The following RALGAPA1 variants were observed in gnomAD, a reference collection of about 807,000 sequenced individuals.
RALGAPA1 encodes Ral GTPase activating protein catalytic subunit alpha 1.
A neutral mutation model predicts 269.6 loss-of-function variants in RALGAPA1; 52 were observed. The ratio of observed to expected loss-of-function variants is 0.19; its 90% CI spans 0.15 to 0.24. The LOEUF (loss-of-function observed/expected upper bound fraction) is 0.24. Among genes scored for constraint, RALGAPA1 ranks in the 10% least tolerant of loss-of-function variants. The probability of loss-of-function intolerance (pLI) is 1.00; values close to 1 mark genes in which losing one functional copy is unlikely to be tolerated. For missense variants in RALGAPA1, 1,917 were observed against 3,013.9 expected, an observed-to-expected ratio of 0.64 and a Z score of 8.52; for synonymous variants, 817 against 1,008.3, an observed-to-expected ratio of 0.81 and a Z score of 3.60.
At chr14:35,637,474 G>C (rs2061736076) in intron 31 of RALGAPA1, among the ~76,000 whole-genome samples, 1 of 151,874 alleles carries the variant, frequency 6.6e-6, no homozygotes, top group Non-Finnish European at 1.5e-5. Flanking sequence ...GGATAATGCA[G>C]AAAAAAGAAT....
At chr14:35,610,757 A>C (rs1383929176) in intron 35 of RALGAPA1, among the ~76,000 whole-genome samples, 1 of 152,226 alleles carries the variant, frequency 6.6e-6, no homozygotes, top group East Asian at 1.9e-4. Flanking sequence ...TAAAAAGGCT[A>C]TTAGAGCTAA....
At chr14:35,736,019 C>T (rs1251839547) in intron 12 of RALGAPA1, among the ~76,000 whole-genome samples, 2 of 152,268 alleles carry the variant, frequency 1.3e-5, no homozygotes, top group Non-Finnish European at 2.9e-5. Context: ...TTACATTTTA[C>T]AGGATCCCTC....
At chr14:35,606,885 A>G (rs1450989816) in intron 35 of RALGAPA1, among the ~76,000 whole-genome samples, 2 of 152,194 alleles carry the variant, frequency 1.3e-5, no homozygotes, top group African/African-American at 2.4e-5. Flanking sequence ...GTTGAATATC[A>G]GCAAGAAAGA....
intron 39 of RALGAPA1, among the ~76,000 whole-genome samples, chr14:35,561,438 C>G (rs1461530873): frequency 1.3e-5 from 2 of 150,608 alleles, no homozygotes; most frequent in African/African-American, 4.9e-5. Flanking sequence ...CAGCAAAATC[C>G]ATGACAAGGG....
At chr14:35,716,757 G>A (rs2068865008) in intron 16 of RALGAPA1, among the ~76,000 whole-genome samples, 1 of 152,052 alleles carries the variant, frequency 6.6e-6, no homozygotes, top group South Asian at 2.1e-4. Context: ...TTTTTGAAGA[G>A]GCTAGACCAG....
At chr14:35,635,717 C>T (rs1436222450) in intron 31 of RALGAPA1, 119 bp from the exon 32 acceptor site, 4 of 813,888 alleles carry the variant, frequency 4.9e-6, no homozygotes, top group Non-Finnish European at 7.0e-6. Context: ...CCCTAAGTTC[C>T]ACTATTAATA....
chr14:35,562,021 T>C (rs971299745), intron 39 of RALGAPA1, among the ~76,000 whole-genome samples: 1 of 152,210 alleles, frequency 6.6e-6, no homozygotes, highest in Non-Finnish European at 1.5e-5. Context: ...TCTTCTCTTC[T>C]TTTGAAGAGA....
intron 39 of RALGAPA1, among the ~76,000 whole-genome samples, chr14:35,562,241 T>C (rs17103397): frequency 0.13 from 19,692 of 152,162 alleles, 1,328 homozygotes; most frequent in African/African-American, 0.14. Context: ...CTCATCAGCG[T>C]CTAGACTCCC....
rs2077555916 is a variant in RALGAPA1 at position 35,808,806 on chromosome 14, C to T, written c.30G>A (p.Val10=). ...CTAGCACCTTCTGGGTGGACTTCTT[C>T]ACGTCCCCGTGCGGCTTCTTGGAGA... The part of the protein sequence containing the change: MFSKKPHGD[V]KKSTQKVLDT... Residue 10 remains valine (V), a synonymous_variant, in exon 1 of 42, where the codon GTG becomes GTA. Transcript: ENST00000680220. 2.5e-6 allele frequency: 4 copies of T among 1,612,246 alleles called. No homozygotes were observed. The highest frequency in any genetic ancestry group is 1.7e-5 in the Admixed American group (1 of 59,858).
chr14:35,685,742 A>C (rs564558075), intron 19 of RALGAPA1, among the ~76,000 whole-genome samples: 26 of 152,228 alleles, frequency 1.7e-4, no homozygotes, highest in African/African-American at 4.8e-4. Flanking sequence ...TGTCTCTACT[A>C]AAAATAGAAC....
chr14:35,553,348 G>T (rs1425968064), intron 39 of RALGAPA1, among the ~76,000 whole-genome samples: 2 of 152,152 alleles, frequency 1.3e-5, no homozygotes, highest in African/African-American at 4.8e-5. Context: ...TCTGATGCAA[G>T]GAAACTGATT....
At position 35,664,692 on chromosome 14, in the gene RALGAPA1, G is replaced by C; in HGVS notation, c.5278C>G (p.Leu1760Val). The C allele has an allele frequency of 6.2e-7, 1 of 1,612,706 alleles. No individual in the cohort carries two copies. The highest frequency in any genetic ancestry group is 1.1e-5 in the South Asian group (1 of 90,816). ...FPNLYCELPS[L>V]HPNIPDVAVS... ...GCAACATCAGGAATGTTGGGATGAAGAGAAGGCAGTTCACAATATAAGTTG... is the reference window on the plus strand; with the variant it reads ...GCAACATCAGGAATGTTGGGATGAACAGAAGGCAGTTCACAATATAAGTTG... The change falls in exon 27 of 42, where the codon CTT becomes GTT. Residue 1760 changes from leucine (L) to valine (V), a missense_variant. Transcript: ENST00000680220.
intron 39 of RALGAPA1, among the ~76,000 whole-genome samples, chr14:35,568,234 G>C (rs199809661): frequency 1.3e-5 from 2 of 152,174 alleles, no homozygotes; most frequent in East Asian, 3.9e-4. Context: ...TTTGAGCTCT[G>C]ACATGACACT....
rs1309946803 is a variant in RALGAPA1, at chr14:35,725,136, A to G, written c.1754T>C (p.Val585Ala). 1.3e-6 allele frequency: 2 copies of G among 1,579,428 alleles called. No individual in the cohort carries two copies. Among genetic ancestry groups the G allele is most frequent in the Non-Finnish European group, 1.7e-6 (2 of 1,162,298 alleles). ...TACAGATTCCGTGACTCTGAGCAAC[A>G]CAAGCAGCATCTGTTCCCTTAAAAT... The part of the protein sequence containing the change: ...DKKTWEQMLL[V>A]LLRVTESVLK... The change falls in exon 14 of 42, where the codon GTG (valine) becomes GCG (alanine). Residue 585 changes from valine to alanine, a missense_variant. Val to Ala is a moderately conservative substitution (Grantham distance 64). This residue lies in a region of RALGAPA1 where 462 missense variants were observed against 725.6 expected (regional missense o/e 0.64). Transcript: ENST00000680220.
intron 1 of RALGAPA1, among the ~76,000 whole-genome samples, chr14:35,786,040 C>G (rs911338851): frequency 1.3e-5 from 2 of 152,014 alleles, no homozygotes; most frequent in Non-Finnish European, 2.9e-5. Context: ...ACCTATGGTT[C>G]CAGCTACTCA....
Position 35,749,114 on chromosome 14 carries a change from T to C in RALGAPA1, c.1012-290A>G, listed in dbSNP as rs12883079. Among the ~76,000 whole-genome samples the C allele has an allele frequency of 0.12, 17,614 of 152,132 alleles. 1,111 individuals carry two copies. The highest frequency in any genetic ancestry group is 0.14 in the South Asian group (661 of 4,820). On this transcript the variant is annotated intron_variant, in intron 9 of 41. Coordinates refer to ENST00000680220, the MANE Select transcript of RALGAPA1 (RefSeq NM_001346249.2). ...TCAGTAAGTTTGCAGTTCAAACAAG[T>C]TATTAATCAAAGCTGGGTGGATGAA... is the stretch of plus-strand genomic sequence containing the variant.
chr14:35,679,549 C>T (rs997076010), intron 21 of RALGAPA1, among the ~76,000 whole-genome samples: 2 of 152,204 alleles, frequency 1.3e-5, no homozygotes, highest in Non-Finnish European at 2.9e-5. Flanking sequence ...TTGACTATCT[C>T]ATGTAATTTA....
Position 35,627,608 on chromosome 14 carries a change from T to C in RALGAPA1, c.6339A>G (p.Ser2113=). The change falls in exon 34 of 42, where the codon TCA becomes TCG. Residue 2113 remains serine (S), a synonymous_variant. Coordinates refer to ENST00000680220, the MANE Select transcript of RALGAPA1 (RefSeq NM_001346249.2). The part of the protein sequence containing the change: ...IIVRDLSGKY[S]WDSAILYGPP... ...GGCCATACAGTATAGCAGAATCCCA[T>C]GAATATTTTCCAGAGAGATCACGTA... is the stretch of plus-strand genomic sequence containing the variant. 3 of 1,580,284 alleles carry C rather than the reference T, an allele frequency of 1.9e-6. No individual in the cohort carries two copies. The highest frequency in any genetic ancestry group is 1.7e-4 in the Middle Eastern group (1 of 5,856).
intron 31 of RALGAPA1, among the ~76,000 whole-genome samples, chr14:35,641,558 A>T (rs1380740456): frequency 6.6e-6 from 1 of 152,234 alleles, no homozygotes; most frequent in Non-Finnish European, 1.5e-5. Flanking sequence ...GATTTCTACA[A>T]TAAAAACTGT....
Sources: allele counts gnomAD v4.1 joint callset (sites outside exome capture counted in the v4.1 genomes callset), GRCh38; gene constraint gnomAD v4.1.1; regional missense constraint gnomAD v4.1.1; transcripts MANE v1.5; gene names NCBI Gene and HGNC (gene_info 2026-07-23, HGNC 2026-07-21).